AGBL1: variants seen among roughly 807,000 people sequenced by gnomAD.
AGBL1 encodes AGBL carboxypeptidase 1.
In AGBL1, 130 loss-of-function variants were observed where a neutral mutation model predicts 118.9. The observed-to-expected ratio is 1.09, with a 90% confidence interval of 0.95 to 1.26. AGBL1 has a LOEUF of 1.26. Among genes scored for constraint, AGBL1 ranks in the 50% most tolerant of loss-of-function variants. The probability of loss-of-function intolerance (pLI) is 0.00; values close to 1 mark genes in which losing one functional copy is unlikely to be tolerated. For synonymous variants in AGBL1, 555 were observed against 478.9 expected (o/e 1.16, Z -2.08); for missense variants, 1,584 against 1,298.1 (o/e 1.22, Z -3.38).
At chr15:86,229,158 A>G (rs1444048609) in intron 6 of AGBL1, among the ~76,000 whole-genome samples, 4 of 152,192 alleles carry the variant, frequency 2.6e-5, no homozygotes, top group Non-Finnish European at 5.9e-5. Flanking sequence ...TTTTAATATA[A>G]TAAATCAAAA....
chr15:86,242,249 G>A (rs577349462), intron 6 of AGBL1, among the ~76,000 whole-genome samples: 4 of 152,072 alleles, frequency 2.6e-5, no homozygotes, highest in Middle Eastern at 3.4e-3. Flanking sequence ...ACATTTGTCC[G>A]TAGCAATAGA....
At chr15:86,123,955 G>A (rs568862544) in intron 1 of AGBL1, among the ~76,000 whole-genome samples, 1 of 152,286 alleles carries the variant, frequency 6.6e-6, no homozygotes, top group Admixed American at 6.5e-5. Context: ...TATGCAACAT[G>A]GTAACTGGGT....
At chr15:86,256,400 C>T (rs1319841419) in intron 7 of AGBL1, among the ~76,000 whole-genome samples, 1 of 152,198 alleles carries the variant, frequency 6.6e-6, no homozygotes, top group Non-Finnish European at 1.5e-5. Context: ...TTTTTCTCCA[C>T]AGAAGACAGC....
intron 3 of AGBL1, among the ~76,000 whole-genome samples, chr15:86,151,354 G>T (rs1258598052): frequency 6.7e-6 from 1 of 149,240 alleles, no homozygotes; most frequent in Non-Finnish European, 1.5e-5. Flanking sequence ...TTCATCCCTG[G>T]GATGCAAGGC....
chr15:86,697,000 C>A (rs2086274398), intron 22 of AGBL1, among the ~76,000 whole-genome samples: 1 of 151,702 alleles, frequency 6.6e-6, no homozygotes. Flanking sequence ...TAATAGGTTA[C>A]CTTTTGCTTT....
chr15:86,435,955 A>G (rs553796749), intron 18 of AGBL1, among the ~76,000 whole-genome samples: 15 of 152,274 alleles, frequency 9.9e-5, no homozygotes, highest in South Asian at 6.2e-4. Context: ...AACTAATCCT[A>G]TATTAACTTA....
At chr15:86,271,829 T>C (rs1173549215) in intron 15 of AGBL1, 123 bp downstream of exon 15, 1 of 896,770 alleles carries the variant, frequency 1.1e-6, no homozygotes, top group Non-Finnish European at 1.8e-6. Flanking sequence ...TTTTTGTCAC[T>C]CTGTCCTAAT....
At chr15:86,389,749 G>A (rs986979908) in intron 17 of AGBL1, among the ~76,000 whole-genome samples, 1 of 151,906 alleles carries the variant, frequency 6.6e-6, no homozygotes, top group Admixed American at 6.6e-5. Flanking sequence ...AATCTCTGAG[G>A]TAACTGCTGA....
intron 5 of AGBL1, among the ~76,000 whole-genome samples, chr15:86,204,903 T>A (rs767222746): frequency 5.3e-5 from 8 of 152,174 alleles, no homozygotes; most frequent in Non-Finnish European, 1.0e-4. Context: ...AATTTCTGAA[T>A]CTACATTGGC....
chr15:86,566,379 CT>C (rs1473206664), intron 21 of AGBL1, among the ~76,000 whole-genome samples: 4 of 152,126 alleles, frequency 2.6e-5, no homozygotes, highest in Non-Finnish European at 4.4e-5. Flanking sequence ...CTATTTCCCC[CT>C]CTCCTTTTCA....
At chr15:86,821,055 C>T (rs1040038120) in intron 22 of AGBL1, among the ~76,000 whole-genome samples, 9 of 152,060 alleles carry the variant, frequency 5.9e-5, no homozygotes, top group East Asian at 1.9e-4. Context: ...TTGAAATCTT[C>T]GTTCTCAGCA....
chr15:86,721,089 A>G (rs2086712270), intron 22 of AGBL1, among the ~76,000 whole-genome samples: 1 of 152,194 alleles, frequency 6.6e-6, no homozygotes, highest in Non-Finnish European at 1.5e-5. Flanking sequence ...AGCTGGTACC[A>G]TTCCTTCTGA....
At chr15:86,871,459 A>T (rs1041122441) in intron 22 of AGBL1, among the ~76,000 whole-genome samples, 1 of 152,166 alleles carries the variant, frequency 6.6e-6, no homozygotes, top group African/African-American at 2.4e-5. Flanking sequence ...CTAAACACAC[A>T]GAATCCCCTT....
intron 1 of AGBL1, among the ~76,000 whole-genome samples, chr15:86,132,043 T>C (rs2076826952): frequency 6.6e-6 from 1 of 152,086 alleles, no homozygotes; most frequent in Non-Finnish European, 1.5e-5. Context: ...AGAACATCTC[T>C]GAAAACAGCG....
At chr15:86,607,914 C>T (rs1006157422) in intron 21 of AGBL1, among the ~76,000 whole-genome samples, 1 of 152,032 alleles carries the variant, frequency 6.6e-6, no homozygotes, top group Non-Finnish European at 1.5e-5. Flanking sequence ...GACATATTGT[C>T]AAAGGTTTAT....
At chr15:86,221,893 G>A (rs1467339915) in intron 5 of AGBL1, among the ~76,000 whole-genome samples, 6 of 151,968 alleles carry the variant, frequency 3.9e-5, no homozygotes, top group Admixed American at 2.6e-4. Context: ...ATTTCATTTT[G>A]ATTTCTATTT....
chr15:86,457,083 G>A (rs1056194352), intron 18 of AGBL1, among the ~76,000 whole-genome samples: 1 of 151,778 alleles, frequency 6.6e-6, no homozygotes, highest in Non-Finnish European at 1.5e-5. Flanking sequence ...TACCACATTC[G>A]AAAAAAATTT....
At chr15:86,794,483 TGGGTTTCTCCTTAGAGTAATGATGTTCTA>T (rs1157388064) in intron 22 of AGBL1, among the ~76,000 whole-genome samples, 3 of 152,188 alleles carry the variant, frequency 2.0e-5, no homozygotes, top group African/African-American at 7.2e-5. Context: ...TAACGGGTAC[TGGGTTTCTCCTTAGAGTAATGATGTTCTA>T]GAATTAGATA....
At chr15:86,705,147 G>A (rs1168002736) in intron 22 of AGBL1, among the ~76,000 whole-genome samples, 1 of 152,212 alleles carries the variant, frequency 6.6e-6, no homozygotes, top group Middle Eastern at 3.4e-3. Flanking sequence ...CTGGTGGGGG[G>A]CAAGGGGAGG....
Sources: gnomAD v4.1 joint callset for allele counts (sites outside exome capture counted in the v4.1 genomes callset) on GRCh38, gnomAD v4.1.1 for gene constraint, MANE v1.5 for transcripts, NCBI Gene and HGNC (gene_info 2026-07-23, HGNC 2026-07-21) for gene names.